The following SLC35F4 variants were observed in gnomAD, a reference collection of about 807,000 sequenced individuals.
SLC35F4 encodes solute carrier family 35 member F4.
In SLC35F4, 24 loss-of-function variants were observed where a neutral mutation model predicts 44.2. The ratio of observed to expected loss-of-function variants is 0.54; its 90% CI spans 0.39 to 0.76. The LOEUF (loss-of-function observed/expected upper bound fraction) is 0.76, where lower values mean the gene tolerates loss of function less well. SLC35F4 is among the 30% of genes least tolerant of loss of function. The probability of loss-of-function intolerance (pLI) is 0.00; values close to 1 mark genes in which losing one functional copy is unlikely to be tolerated. For synonymous variants in SLC35F4, 238 were observed against 223.6 expected (o/e 1.06, Z -0.57); for missense variants, 562 against 586.1 (o/e 0.96, Z 0.42).
chr14:57,963,099 C>CCCT (rs1317951162), intron 1 of SLC35F4, among the ~76,000 whole-genome samples: 1 of 152,178 alleles, frequency 6.6e-6, no homozygotes, highest in Non-Finnish European at 1.5e-5. Context: ...TTCATCTAGA[C>CCCT]CCTCTCTCTT....
At chr14:57,624,797 C>A (rs10147638) in intron 1 of SLC35F4, among the ~76,000 whole-genome samples, 106,205 of 151,968 alleles carry the variant, frequency 0.7, 37,897 homozygotes, top group Middle Eastern at 0.79. Flanking sequence ...TATTGATGGA[C>A]CATATCTCAA....
chr14:57,751,378 A>C (rs1375463398), intron 1 of SLC35F4, among the ~76,000 whole-genome samples: 1 of 152,212 alleles, frequency 6.6e-6, no homozygotes. Context: ...TAATAAGGCA[A>C]GTGAGTTCTC....
At chr14:57,878,122 G>C (rs1888440669) in intron 1 of SLC35F4, among the ~76,000 whole-genome samples, 1 of 151,952 alleles carries the variant, frequency 6.6e-6, no homozygotes, top group Non-Finnish European at 1.5e-5. Flanking sequence ...GTCTTCTTTT[G>C]AGAAATGCCT....
intron 1 of SLC35F4, among the ~76,000 whole-genome samples, chr14:57,857,420 T>G (rs1407995279): frequency 6.6e-6 from 1 of 152,032 alleles, no homozygotes. Flanking sequence ...TTAAAGTACA[T>G]CTATTTGATT....
chr14:57,808,780 T>C (rs1272501538), intron 1 of SLC35F4, among the ~76,000 whole-genome samples: 2 of 152,308 alleles, frequency 1.3e-5, no homozygotes, highest in African/African-American at 4.8e-5. Context: ...CACTCCAGCC[T>C]GGGTGACAGA....
chr14:57,571,052 T>A (rs187052890), intron 5 of SLC35F4, among the ~76,000 whole-genome samples: 2 of 152,180 alleles, frequency 1.3e-5, no homozygotes, highest in African/African-American at 2.4e-5. Context: ...AGACACAGTG[T>A]TGGTTAATAA....
intron 1 of SLC35F4, among the ~76,000 whole-genome samples, chr14:57,708,363 G>T (rs2075730504): frequency 6.6e-6 from 1 of 152,144 alleles, no homozygotes; most frequent in Admixed American, 6.5e-5. Flanking sequence ...CAATTGCTCA[G>T]GGAGACTGAT....
At chr14:57,739,922 T>G (rs1441784674) in intron 1 of SLC35F4, among the ~76,000 whole-genome samples, 4 of 152,212 alleles carry the variant, frequency 2.6e-5, no homozygotes, top group African/African-American at 9.6e-5. Context: ...TGCAGTAGTG[T>G]GATCTTGGCT....
At chr14:57,708,609 G>T (rs1289387047) in intron 1 of SLC35F4, among the ~76,000 whole-genome samples, 1 of 152,184 alleles carries the variant, frequency 6.6e-6, no homozygotes, top group African/African-American at 2.4e-5. Flanking sequence ...GGAACTTGTA[G>T]GGTACAGCCC....
chr14:57,591,943 G>T (rs565081270), intron 2 of SLC35F4, among the ~76,000 whole-genome samples: 44 of 152,296 alleles, frequency 2.9e-4, no homozygotes, highest in Non-Finnish European at 5.7e-4. Flanking sequence ...TGCTTTTGAT[G>T]ACACCAATAG....
At chr14:57,797,641 A>G (rs974110575) in intron 1 of SLC35F4, among the ~76,000 whole-genome samples, 9 of 152,188 alleles carry the variant, frequency 5.9e-5, no homozygotes, top group African/African-American at 2.2e-4. Context: ...CTGAGGAAGA[A>G]GGGTCCATGA....
intron 1 of SLC35F4, among the ~76,000 whole-genome samples, chr14:57,829,257 A>G (rs1169569797): frequency 6.6e-6 from 1 of 152,198 alleles, no homozygotes; most frequent in Non-Finnish European, 1.5e-5. Flanking sequence ...GAAGATAACC[A>G]GGCAGCTGGG....
intron 1 of SLC35F4, among the ~76,000 whole-genome samples, chr14:57,952,602 C>T (rs1281893963): frequency 4.6e-5 from 7 of 151,838 alleles, no homozygotes; most frequent in South Asian, 4.2e-4. Flanking sequence ...AATGACCTGA[C>T]GGAGCTGAAA....
chr14:57,666,004 G>C (rs1033534246), intron 1 of SLC35F4, among the ~76,000 whole-genome samples: 2 of 152,092 alleles, frequency 1.3e-5, no homozygotes, highest in Non-Finnish European at 2.9e-5. Context: ...GAGAGGATCA[G>C]AAAAAATCAC....
intron 1 of SLC35F4, among the ~76,000 whole-genome samples, chr14:57,811,753 G>A (rs985020116): frequency 1.4e-4 from 21 of 152,268 alleles, no homozygotes; most frequent in Admixed American, 6.5e-4. Context: ...TGCAGTAAAC[G>A]TTCTCCAATT....
At chr14:57,919,798 AGAG>A (rs1889406206) in intron 1 of SLC35F4, among the ~76,000 whole-genome samples, 1 of 152,164 alleles carries the variant, frequency 6.6e-6, no homozygotes, top group Admixed American at 6.5e-5. Flanking sequence ...AGGCTGAGGG[AGAG>A]GAGAGCTTTG....
At chr14:57,651,845 C>T (rs1422077634) in intron 1 of SLC35F4, among the ~76,000 whole-genome samples, 3 of 152,162 alleles carry the variant, frequency 2.0e-5, no homozygotes, top group Admixed American at 6.5e-5. Flanking sequence ...CCTCCTCTGT[C>T]CAATGGGACC....
At chr14:57,768,558 C>T (rs1172527780) in intron 1 of SLC35F4, among the ~76,000 whole-genome samples, 3 of 152,212 alleles carry the variant, frequency 2.0e-5, no homozygotes, top group Non-Finnish European at 4.4e-5. Flanking sequence ...CCATGAACCG[C>T]TCCTACAAAT....
At chr14:57,699,231 C>T (rs1487665882) in intron 1 of SLC35F4, among the ~76,000 whole-genome samples, 5 of 152,092 alleles carry the variant, frequency 3.3e-5, no homozygotes, top group Admixed American at 6.5e-5. Flanking sequence ...TAGAGAAGTG[C>T]ACTTCATACA....
Sources: gnomAD v4.1 joint callset for allele counts (sites outside exome capture counted in the v4.1 genomes callset) on GRCh38, gnomAD v4.1.1 for gene constraint, MANE v1.5 for transcripts, NCBI Gene and HGNC (gene_info 2026-07-23, HGNC 2026-07-21) for gene names.